Variants in HSF5 observed in about 807,000 individuals in gnomAD.
The protein encoded by HSF5 is heat shock factor protein 5.
HSF5 carries 5 observed loss-of-function variants against 50.8 expected under a neutral mutation model. The observed-to-expected ratio is 0.10, with a 90% CI of 0.05 to 0.21. HSF5 has a LOEUF of 0.21. Among genes scored for constraint, HSF5 ranks in the 10% least tolerant of loss-of-function variants. The pLI is 1.00. For synonymous variants in HSF5, 307 were observed against 307.4 expected (o/e 1.00, Z 0.02); for missense variants, 564 against 762.6 (o/e 0.74, Z 3.07).
intron 5 of HSF5, among the ~76,000 whole-genome samples, chr17:58,432,413 T>C (rs1974377023): frequency 1.3e-5 from 2 of 152,172 alleles, no homozygotes; most frequent in African/African-American, 4.8e-5. Flanking sequence ...CAGGAAGATT[T>C]CTGTGATGAT....
At chr17:58,457,573 G>A (rs1036700878) in intron 5 of HSF5, among the ~76,000 whole-genome samples, 11 of 152,110 alleles carry the variant, frequency 7.2e-5, no homozygotes, top group African/African-American at 1.4e-4. Context: ...ATTCTAGCCC[G>A]GGCAACAGAG....
At chr17:58,435,438 T>G (rs1022141749) in intron 5 of HSF5, among the ~76,000 whole-genome samples, 12 of 152,150 alleles carry the variant, frequency 7.9e-5, no homozygotes, top group Non-Finnish European at 1.5e-4. Flanking sequence ...TCTCAGCTAT[T>G]TGGGAGGCTG....
At position 58,469,848 on chromosome 17, in the gene HSF5, T is replaced by C. The variant is rs1380054604; in HGVS notation, c.926-2869A>G. ...TCCATTTCAGATATAAATATAGGCA[T>C]TAATGACATTTTCAAAAAATGTCTA... On this transcript the variant is annotated intron_variant, in intron 2 of 5. Transcript: ENST00000323777. Among the ~76,000 whole-genome samples the C allele has an allele frequency of 2.0e-5, 3 of 152,294 alleles. No individual in the cohort carries two copies. The East Asian group carries it at 5.8e-4, about 29-fold the overall frequency.
intron 5 of HSF5, among the ~76,000 whole-genome samples, chr17:58,428,546 C>T (rs1974325199): frequency 6.6e-6 from 1 of 151,994 alleles, no homozygotes; most frequent in African/African-American, 2.4e-5. Flanking sequence ...GTAGTCCCAG[C>T]TACTCGGAAA....
At chr17:58,487,197 C>T (rs1426388891) in intron 1 of HSF5, among the ~76,000 whole-genome samples, 5 of 152,184 alleles carry the variant, frequency 3.3e-5, no homozygotes, top group Middle Eastern at 6.3e-3. Context: ...TGAGCCACCA[C>T]GCCCAACCGT....
intron 5 of HSF5, among the ~76,000 whole-genome samples, chr17:58,445,952 A>G (rs1231180987): frequency 4.6e-5 from 7 of 152,114 alleles, no homozygotes; most frequent in Non-Finnish European, 1.0e-4. Flanking sequence ...CCTGCCCAAC[A>G]TGGCAAAACC....
intron 5 of HSF5, among the ~76,000 whole-genome samples, chr17:58,434,571 T>C (rs1186066541): frequency 6.8e-6 from 1 of 147,554 alleles, no homozygotes; most frequent in Admixed American, 6.7e-5. Context: ...AAAGATAAAA[T>C]GTGGCCAGGC....
At chr17:58,439,843 G>A (rs569081147) in intron 5 of HSF5, among the ~76,000 whole-genome samples, 3 of 151,632 alleles carry the variant, frequency 2.0e-5, no homozygotes, top group South Asian at 4.2e-4. Flanking sequence ...TTTCATCTGA[G>A]GAACATTCCA....
chr17:58,424,982 T>C (rs1441500868), intron 5 of HSF5, among the ~76,000 whole-genome samples: 1 of 152,226 alleles, frequency 6.6e-6, no homozygotes, highest in Non-Finnish European at 1.5e-5. Context: ...TGTTGTTTAA[T>C]AGGTACGGAG....
chr17:58,454,330 T>C (rs997840091), intron 5 of HSF5, among the ~76,000 whole-genome samples: 1 of 152,032 alleles, frequency 6.6e-6, no homozygotes, highest in Admixed American at 6.5e-5. Flanking sequence ...AGAAAGAACA[T>C]ACCTCAACAC....
At position 58,434,549 on chromosome 17, in the gene HSF5, C is replaced by CA. The variant is rs562860108; in HGVS notation, c.1721-12120dup. Among the ~76,000 whole-genome samples, 926 of 123,198 alleles carry CA rather than the reference C, an allele frequency of 7.5e-3. 4 individuals are homozygous for CA. The highest frequency in any genetic ancestry group is 0.021 in the African/African-American group (708 of 33,150). The allele number at this position is 123,198 out of a possible 152,430, so 80.8% of individuals were successfully genotyped here. A position where few individuals can be genotyped will look rare whatever the true frequency, so the allele number is the denominator to read the frequency against. On this transcript the variant is annotated intron_variant, in intron 5 of 5. Coordinates refer to ENST00000323777, the MANE Select transcript of HSF5 (RefSeq NM_001080439.3). ...CTGGCAACAGAGCTAGACTCCATCT[C>CA]AAAAAAAAAAAAAAGATAAAATGTG...
At chr17:58,471,255 AT>A (rs1330027072) in intron 2 of HSF5, among the ~76,000 whole-genome samples, 7 of 152,168 alleles carry the variant, frequency 4.6e-5, no homozygotes, top group Non-Finnish European at 7.3e-5. Context: ...GGTAAATATG[AT>A]TGTATTTTTG....
chr17:58,476,601 T>C (rs1975014954), intron 2 of HSF5: 12 of 1,532,480 alleles, frequency 7.8e-6, no homozygotes, highest in Non-Finnish European at 9.9e-6. Flanking sequence ...ATTTAATATC[T>C]TCGAATTCTG....
rs1391164387 is a variant in HSF5 at position 58,426,714 on chromosome 17, T to A, written c.1721-4284A>T. ...CAGAGTGTAGTTCCCACAATGAGATTAATATTTGGGTACATTTGGTTTAGG... is the reference window on the plus strand; with the variant it reads ...CAGAGTGTAGTTCCCACAATGAGATAAATATTTGGGTACATTTGGTTTAGG... On this transcript the variant is annotated intron_variant, in intron 5 of 5. Transcript: ENST00000323777. Among the ~76,000 whole-genome samples the A allele has an allele frequency of 2.0e-5, 3 of 152,216 alleles. No homozygotes were observed. In the East Asian group the frequency reaches 5.8e-4, roughly 29 times the overall value.
At chr17:58,473,691 C>T (rs1234897200) in intron 2 of HSF5, among the ~76,000 whole-genome samples, 8 of 151,870 alleles carry the variant, frequency 5.3e-5, no homozygotes, top group East Asian at 1.9e-4. Context: ...CTGCTTCTAA[C>T]GTGAGAAAGA....
chr17:58,441,200 T>C (rs1299907601), intron 5 of HSF5, among the ~76,000 whole-genome samples: 1 of 152,076 alleles, frequency 6.6e-6, no homozygotes, highest in Non-Finnish European at 1.5e-5. Context: ...AACAATAAAG[T>C]AACTAGGAAA....
chr17:58,458,620 A>G, intron 5 of HSF5, 148 bp downstream of exon 5: 1 of 584,696 alleles, frequency 1.7e-6, no homozygotes, highest in Non-Finnish European at 3.0e-6. Context: ...ACAAATATAG[A>G]GTTAAAATTA....
At chr17:58,487,644 G>C (rs1451586002) in intron 1 of HSF5, 81 bp downstream of exon 1, 1 of 1,340,330 alleles carries the variant, frequency 7.5e-7, no homozygotes, top group Non-Finnish European at 9.5e-7. Flanking sequence ...GAGGACGTGC[G>C]AAAATGCGCC....
At position 58,488,137 on chromosome 17, in the gene HSF5, G is replaced by A. The variant is rs1975219751; in HGVS notation, c.138C>T (p.Phe46=). The part of the protein sequence containing the change: ...GEGLLIDQPL[F]EAELLSPPGP... Reference sequence around the variant, plus strand: ...CGGGCGGGCTGAGCAGCTCGGCCTCGAAGAGCGGCTGATCGATAAGCAGCC... The same window carrying A: ...CGGGCGGGCTGAGCAGCTCGGCCTCAAAGAGCGGCTGATCGATAAGCAGCC... The change falls in exon 1 of 6, where the codon TTC becomes TTT. Residue 46 remains phenylalanine (F), a synonymous_variant. Coordinates refer to ENST00000323777, the MANE Select transcript of HSF5 (RefSeq NM_001080439.3). This position sits in a 1 kb window ranked among gnomAD's most constrained non-coding sequence, Gnocchi z 4.1. The A allele has an allele frequency of 6.4e-7, 1 of 1,557,560 alleles. No homozygotes were observed. Among genetic ancestry groups the A allele is most frequent in the Non-Finnish European group, 8.6e-7 (1 of 1,162,768 alleles).
Sources: gnomAD v4.1 joint callset for allele counts (sites outside exome capture counted in the v4.1 genomes callset) on GRCh38, gnomAD v4.1.1 for gene constraint, Gnocchi (gnomAD v3.1) non-coding constraint, MANE v1.5 for transcripts, NCBI Gene and HGNC (gene_info 2026-07-23, HGNC 2026-07-21) for gene names.